ST6GALNAC3: variants seen among roughly 807,000 people sequenced by gnomAD.
The protein encoded by ST6GALNAC3 is alpha-N-acetylgalactosaminide alpha-2,6-sialyltransferase 3.
A neutral mutation model predicts 32.7 loss-of-function variants in ST6GALNAC3; 25 were observed. The ratio of observed to expected loss-of-function variants is 0.76; its 90% CI spans 0.56 to 1.07. ST6GALNAC3 has a LOEUF of 1.07. Ranked by LOEUF, ST6GALNAC3 falls within the 50% of genes least tolerant of loss-of-function variation. The pLI, the probability that ST6GALNAC3 is intolerant of heterozygous loss-of-function variation, is 0.00. For missense variants in ST6GALNAC3, 355 were observed against 382.4 expected, an observed-to-expected ratio of 0.93 and a Z score of 0.60; for synonymous variants, 129 against 133.1, an observed-to-expected ratio of 0.97 and a Z score of 0.21.
At chr1:76,261,758 C>A (rs144989676) in intron 1 of ST6GALNAC3, among the ~76,000 whole-genome samples, 374 of 152,288 alleles carry the variant, frequency 2.5e-3, no homozygotes, top group Non-Finnish European at 3.6e-3. Flanking sequence ...TGGGAGCTCT[C>A]TGAGGGCCCT....
intron 2 of ST6GALNAC3, among the ~76,000 whole-genome samples, chr1:76,410,449 A>G (rs1364870634): frequency 1.3e-5 from 2 of 152,016 alleles, no homozygotes; most frequent in South Asian, 4.1e-4. Flanking sequence ...ACTCACACAC[A>G]CACGTGCACA....
intron 3 of ST6GALNAC3, among the ~76,000 whole-genome samples, chr1:76,485,130 T>C (rs1660022037): frequency 6.6e-6 from 1 of 152,158 alleles, no homozygotes; most frequent in Non-Finnish European, 1.5e-5. Context: ...TTGCCAGTAT[T>C]TTACTGAGGA....
At chr1:76,221,467 G>A (rs913199960) in intron 1 of ST6GALNAC3, among the ~76,000 whole-genome samples, 7 of 152,036 alleles carry the variant, frequency 4.6e-5, no homozygotes, top group South Asian at 2.1e-4. Flanking sequence ...ATTACATACC[G>A]TAAAATACCG....
chr1:76,079,802 A>G (rs527415070), intron 1 of ST6GALNAC3, among the ~76,000 whole-genome samples: 103 of 152,096 alleles, frequency 6.8e-4, no homozygotes, highest in Non-Finnish European at 1.1e-3. Flanking sequence ...TCTGCCCCTT[A>G]CTTTCCATCC....
chr1:76,363,023 A>G (rs570322183), intron 2 of ST6GALNAC3, among the ~76,000 whole-genome samples: 1 of 152,328 alleles, frequency 6.6e-6, no homozygotes, highest in East Asian at 1.9e-4. Context: ...TTGCCCTGGT[A>G]AAGGTTCTCC....
intron 3 of ST6GALNAC3, among the ~76,000 whole-genome samples, chr1:76,505,185 G>A (rs759502559): frequency 1.3e-5 from 2 of 151,420 alleles, no homozygotes; most frequent in East Asian, 1.9e-4. Flanking sequence ...GTGCAGAGGC[G>A]CGGTCTCAGC....
chr1:76,467,449 T>A (rs1658714054), intron 3 of ST6GALNAC3, among the ~76,000 whole-genome samples: 1 of 151,906 alleles, frequency 6.6e-6, no homozygotes, highest in South Asian at 2.1e-4. Flanking sequence ...CTTTTGGAAA[T>A]AACCTAAATG....
intron 3 of ST6GALNAC3, among the ~76,000 whole-genome samples, chr1:76,518,679 GT>G (rs1028311327): frequency 6.6e-6 from 1 of 151,976 alleles, no homozygotes; most frequent in African/African-American, 2.4e-5. Context: ...CCCTTCCTGT[GT>G]TTTGTTAAAA....
intron 3 of ST6GALNAC3, among the ~76,000 whole-genome samples, chr1:76,442,562 G>T (rs188507286): frequency 1.3e-5 from 2 of 152,050 alleles, no homozygotes; most frequent in East Asian, 3.9e-4. Flanking sequence ...GAGTCATGAT[G>T]GAAAAAAGTA....
intron 3 of ST6GALNAC3, among the ~76,000 whole-genome samples, chr1:76,435,872 A>G (rs76971940): frequency 6.6e-6 from 1 of 150,892 alleles, no homozygotes; most frequent in Non-Finnish European, 1.5e-5. Context: ...TTTTTTTTTA[A>G]TGTTTTATTT....
chr1:76,493,090 T>C (rs1571407848), intron 3 of ST6GALNAC3, among the ~76,000 whole-genome samples: 2 of 152,078 alleles, frequency 1.3e-5, no homozygotes, highest in Non-Finnish European at 2.9e-5. Flanking sequence ...TTCATTTTAC[T>C]TCCCACCACA....
At chr1:76,536,525 C>T (rs1238493654) in intron 3 of ST6GALNAC3, among the ~76,000 whole-genome samples, 1 of 151,866 alleles carries the variant, frequency 6.6e-6, no homozygotes, top group Non-Finnish European at 1.5e-5. Flanking sequence ...TTGGAAACCT[C>T]CCCCATGATT....
At chr1:76,590,940 T>A (rs1647037850) in intron 3 of ST6GALNAC3, among the ~76,000 whole-genome samples, 2 of 152,214 alleles carry the variant, frequency 1.3e-5, no homozygotes, top group Non-Finnish European at 2.9e-5. Context: ...CTGTGTAACA[T>A]ACATGGAGCT....
chr1:76,575,205 A>T (rs556262092), intron 3 of ST6GALNAC3, among the ~76,000 whole-genome samples: 10 of 152,114 alleles, frequency 6.6e-5, no homozygotes, highest in Non-Finnish European at 1.2e-4. Context: ...AAAGATAATC[A>T]TTCTAAAGTT....
intron 2 of ST6GALNAC3, among the ~76,000 whole-genome samples, chr1:76,319,156 G>A (rs575678490): frequency 1.1e-3 from 163 of 152,250 alleles, no homozygotes; most frequent in African/African-American, 3.4e-3. Context: ...GACCTGATAG[G>A]ATCTTCCCCT....
Position 76,374,404 on chromosome 1 carries a change from A to G in ST6GALNAC3, c.214-37604A>G, listed in dbSNP as rs144988860. 3.4e-3 allele frequency among the ~76,000 whole-genome samples: 525 copies of G among 152,358 alleles called. 1 individual carries two copies. The highest frequency in any genetic ancestry group is 0.012 in the African/African-American group (496 of 41,590). ...TGGTTAGGGATGAGGCAGAGCTTGT[A>G]CATAATGGAATATTGCAAGGGCTAC... On this transcript the variant is annotated intron_variant, in intron 2 of 4. Transcript: ENST00000328299.
chr1:76,489,456 C>G (rs948973464), intron 3 of ST6GALNAC3, among the ~76,000 whole-genome samples: 2 of 152,088 alleles, frequency 1.3e-5, no homozygotes, highest in African/African-American at 4.8e-5. Context: ...CCCTCTCGCT[C>G]TTGCTCTTGC....
At chr1:76,598,090 C>T (rs1479220677) in intron 3 of ST6GALNAC3, among the ~76,000 whole-genome samples, 2 of 152,128 alleles carry the variant, frequency 1.3e-5, no homozygotes, top group Non-Finnish European at 2.9e-5. Context: ...TCTTAGTTCA[C>T]AGACAGCATC....
intron 3 of ST6GALNAC3, among the ~76,000 whole-genome samples, chr1:76,525,806 TATATATATATA>T (rs1557528999): frequency 2.2e-4 from 18 of 81,002 alleles, no homozygotes; most frequent in African/African-American, 8.5e-4. Flanking sequence ...TATATATATA[TATATATATATA>T]TATATATATA....
Sources: gnomAD v4.1 joint callset for allele counts (sites outside exome capture counted in the v4.1 genomes callset) on GRCh38, gnomAD v4.1.1 for gene constraint, MANE v1.5 for transcripts, NCBI Gene and HGNC (gene_info 2026-07-23, HGNC 2026-07-21) for gene names.